PHF24: variants seen among roughly 807,000 people sequenced by gnomAD.
PHF24 encodes the protein Galpha inhibitory interacting protein.
PHF24 carries 25 observed loss-of-function variants against 42.6 expected under a neutral mutation model. The observed-to-expected ratio is 0.59, with a 90% confidence interval of 0.43 to 0.82. The LOEUF is 0.82. Ranked by LOEUF, PHF24 falls within the 40% of genes least tolerant of loss-of-function variation. The pLI is 0.00. For synonymous variants in PHF24, 185 were observed against 204.8 expected, an observed-to-expected ratio of 0.90 and a Z score of 0.83; for missense variants, 470 against 538.1, an observed-to-expected ratio of 0.87 and a Z score of 1.25.
chr9:34,727,076 C>T, the PHF24 span: 1 of 1,474,492 alleles, frequency 6.8e-7, no homozygotes, highest in Non-Finnish European at 9.0e-7. Flanking sequence ...TCTCCTTTCC[C>T]AGTCCTGAAA....
the PHF24 span, among the ~76,000 whole-genome samples, chr9:34,914,563 G>A: frequency 1.3e-5 from 2 of 152,084 alleles, no homozygotes; most frequent in African/African-American, 2.4e-5. Context: ...CAGTCTGGAA[G>A]TACTTCTCAA....
the PHF24 span, among the ~76,000 whole-genome samples, chr9:34,890,296 C>A: frequency 1.3e-5 from 2 of 152,210 alleles, no homozygotes; most frequent in African/African-American, 4.8e-5. Flanking sequence ...TTTCCAGCTG[C>A]TTTGAATGTC....
intron 4 of PHF24, 124 bp from the exon 5 acceptor site, chr9:34,976,411 C>T: frequency 8.9e-7 from 1 of 1,119,000 alleles, no homozygotes; most frequent in Non-Finnish European, 1.3e-6. Context: ...GTGACCCTGG[C>T]CATGGGAGGC....
At chr9:34,957,048 T>G (rs1826391710), upstream of PHF24, among the ~76,000 whole-genome samples, 1 of 152,190 alleles carries the variant, frequency 6.6e-6, no homozygotes, top group African/African-American at 2.4e-5. Flanking sequence ...ATGTCGAAAC[T>G]AACAGTAGAC....
At chr9:34,832,591 C>T in the PHF24 span, 1 of 1,544,420 alleles carries the variant, frequency 6.5e-7, no homozygotes. Flanking sequence ...TTCACAGTGG[C>T]AGAGAACATG....
chr9:34,943,191 TTTTG>T, the PHF24 span, among the ~76,000 whole-genome samples: 2 of 152,142 alleles, frequency 1.3e-5, no homozygotes, highest in Non-Finnish European at 2.9e-5. Context: ...GGTACTGTTT[TTTTG>T]TTTGTTTGTT....
the PHF24 span, among the ~76,000 whole-genome samples, chr9:34,744,327 A>G: frequency 6.6e-6 from 1 of 152,246 alleles, no homozygotes; most frequent in African/African-American, 2.4e-5. Context: ...TAAACTGCTT[A>G]TATGTAAGAG....
chr9:34,757,000 G>C, the PHF24 span, among the ~76,000 whole-genome samples: 1 of 152,120 alleles, frequency 6.6e-6, no homozygotes, highest in Admixed American at 6.5e-5. Context: ...CAACCCCCAG[G>C]TTCAAGCAAT....
chr9:34,699,260 A>G, the PHF24 span, among the ~76,000 whole-genome samples: 8 of 152,334 alleles, frequency 5.3e-5, no homozygotes, highest in South Asian at 1.4e-3. Flanking sequence ...TGTTCTCTAC[A>G]AACAGTTAAC....
the PHF24 span, chr9:34,724,130 T>C: frequency 6.5e-7 from 1 of 1,543,678 alleles, no homozygotes; most frequent in South Asian, 1.2e-5. Context: ...ATGGGCTGGG[T>C]CCTTGCTCTT....
At chr9:34,881,738 A>G in the PHF24 span, among the ~76,000 whole-genome samples, 1 of 152,222 alleles carries the variant, frequency 6.6e-6, no homozygotes, top group South Asian at 2.1e-4. Context: ...CAACCAAAAA[A>G]AAGTCCAGGA....
the PHF24 span, among the ~76,000 whole-genome samples, chr9:34,711,931 C>G: frequency 6.6e-6 from 1 of 151,092 alleles, no homozygotes; most frequent in Non-Finnish European, 1.5e-5. Context: ...TTCTGAAGGT[C>G]TTCCTTTAGC....
chr9:34,737,942 A>G, the PHF24 span, among the ~76,000 whole-genome samples: 1 of 151,240 alleles, frequency 6.6e-6, no homozygotes, highest in Non-Finnish European at 1.5e-5. Context: ...AAAAGGCAAT[A>G]TGGCTTTTGT....
the PHF24 span, among the ~76,000 whole-genome samples, chr9:34,814,833 C>T: frequency 6.6e-6 from 1 of 152,226 alleles, no homozygotes; most frequent in Non-Finnish European, 1.5e-5. Flanking sequence ...CTCTGCCTCC[C>T]GGGTTCAAGT....
At chr9:34,976,680 A>G in exon 5 of PHF24, 1 of 1,614,158 alleles carries the variant, frequency 6.2e-7, no homozygotes, top group South Asian at 1.1e-5. Flanking sequence ...GAGGCCACAT[A>G]GAGTGGCCTG....
At chr9:34,735,026 T>C in the PHF24 span, among the ~76,000 whole-genome samples, 1 of 151,824 alleles carries the variant, frequency 6.6e-6, no homozygotes, top group Non-Finnish European at 1.5e-5. Flanking sequence ...ACTGAATCAA[T>C]CTCCCATACT....
chr9:34,801,440 T>C, the PHF24 span, among the ~76,000 whole-genome samples: 4 of 151,972 alleles, frequency 2.6e-5, no homozygotes, highest in South Asian at 6.3e-4. Flanking sequence ...GTGGCACATA[T>C]ACACCATGGA....
chr9:34,670,682 G>A, the PHF24 span, among the ~76,000 whole-genome samples: 2 of 152,294 alleles, frequency 1.3e-5, no homozygotes, highest in Middle Eastern at 3.4e-3. Flanking sequence ...CTCCTTTGGA[G>A]GCATTTGAGC....
At chr9:34,835,641 T>C in the PHF24 span, 2 of 1,551,462 alleles carry the variant, frequency 1.3e-6, no homozygotes, top group African/African-American at 2.7e-5. Context: ...TTGAAGAAGC[T>C]ATGGTGTTTG....
Sources: gnomAD v4.1 joint callset for allele counts (sites outside exome capture counted in the v4.1 genomes callset) on GRCh38, gnomAD v4.1.1 for gene constraint, MANE v1.5 for transcripts, NCBI Gene and HGNC (gene_info 2026-07-23, HGNC 2026-07-21) for gene names.